The following SGK1 variants were observed in gnomAD, a reference collection of about 807,000 sequenced individuals.
The protein encoded by SGK1 is serum/glucocorticoid regulated kinase 1.
In SGK1, 26 loss-of-function variants were observed where a neutral mutation model predicts 64.2. That is an observed-to-expected ratio of 0.40 (90% confidence interval 0.30 to 0.56). The LOEUF (loss-of-function observed/expected upper bound fraction) is 0.56, where lower values mean the gene tolerates loss of function less well. Among genes scored for constraint, SGK1 ranks in the 20% least tolerant of loss-of-function variants. The pLI is 0.38. For missense variants in SGK1, 519 were observed against 645.6 expected (o/e 0.80, Z 2.12); for synonymous variants, 265 against 239.7 (o/e 1.11, Z -0.98).
At chr6:134,249,292 T>C (rs565264559) in intron 2 of SGK1, among the ~76,000 whole-genome samples, 9 of 152,340 alleles carry the variant, frequency 5.9e-5, no homozygotes, top group African/African-American at 1.2e-4. Flanking sequence ...AGATGATATA[T>C]AGAAATTGTT....
chr6:134,236,455 C>T (rs960339677), intron 2 of SGK1, among the ~76,000 whole-genome samples: 5 of 151,944 alleles, frequency 3.3e-5, no homozygotes, highest in Admixed American at 1.3e-4. Flanking sequence ...GGCGAAACTC[C>T]GTCTCTACAA....
At chr6:134,274,172 T>G (rs1208235478) in intron 1 of SGK1, among the ~76,000 whole-genome samples, 5 of 151,446 alleles carry the variant, frequency 3.3e-5, no homozygotes, top group Admixed American at 3.3e-4. Context: ...CCCGGCTAAT[T>G]TTTTGTATTT....
At chr6:134,315,548 A>G (rs1253428616) in intron 1 of SGK1, among the ~76,000 whole-genome samples, 1 of 152,252 alleles carries the variant, frequency 6.6e-6, no homozygotes, top group African/African-American at 2.4e-5. Flanking sequence ...TTCTATTAGT[A>G]CATTTTGATA....
At chr6:134,175,425 C>T (rs1190376802) in intron 3 of SGK1, 2 of 1,307,936 alleles carry the variant, frequency 1.5e-6, no homozygotes, top group Non-Finnish European at 9.8e-7. Context: ...CCCGCCAGGT[C>T]CTCCCGTTCC....
intron 1 of SGK1, among the ~76,000 whole-genome samples, chr6:134,300,886 G>A (rs1230949170): frequency 2.0e-5 from 3 of 151,988 alleles, no homozygotes; most frequent in South Asian, 2.1e-4. Flanking sequence ...TACCCGCCTC[G>A]GCCTCCCAAA....
Position 134,243,659 on chromosome 6 carries a change from G to A in SGK1, c.285+18274C>T, listed in dbSNP as rs1165417378. On this transcript the variant is annotated intron_variant, in intron 2 of 13. Transcript: ENST00000367858. ...GCTGGGATTACAGGCACGAGCCACC[G>A]CGCCCGGCCATAACGTGCAGTTTTA... 7.9e-5 allele frequency among the ~76,000 whole-genome samples: 12 copies of A among 152,250 alleles called. No homozygotes were observed. In the East Asian group the frequency reaches 9.6e-4, roughly 12 times the overall value.
chr6:134,237,132 G>T (rs998505771), intron 2 of SGK1, among the ~76,000 whole-genome samples: 1 of 146,998 alleles, frequency 6.8e-6, no homozygotes, highest in Admixed American at 6.9e-5. Flanking sequence ...TCAGCTCACT[G>T]CAACCTCTGC....
At position 134,184,074 on chromosome 6, in the gene SGK1, C is replaced by T. The variant is rs540428286; in HGVS notation, c.362-9488G>A. ...TCCAGGTTTGTACCACTGTGGTGCT[C>T]TCTGTTCCCTTTGCAGGCCAAGCTA... On this transcript the variant is annotated intron_variant, in intron 3 of 13. Coordinates refer to ENST00000367858, the MANE Select transcript of SGK1 (RefSeq NM_001143676.3). Among the ~76,000 whole-genome samples the T allele has an allele frequency of 5.3e-5, 8 of 152,186 alleles. No individual in the cohort carries two copies. In the East Asian group the frequency reaches 1.2e-3, roughly 22 times the overall value.
intron 3 of SGK1, chr6:134,174,838 C>T (rs1448082562): frequency 1.2e-6 from 2 of 1,613,534 alleles, no homozygotes; most frequent in Non-Finnish European, 1.7e-6. Flanking sequence ...AAGACGTTAG[C>T]GCTCAAAGAC....
chr6:134,311,788 T>A (rs1312407535), intron 1 of SGK1, among the ~76,000 whole-genome samples: 1 of 152,292 alleles, frequency 6.6e-6, no homozygotes, highest in Middle Eastern at 3.4e-3. Flanking sequence ...ACAGCTTAGA[T>A]TTTAGCCATT....
chr6:134,293,101 G>A (rs1421523468), intron 1 of SGK1, among the ~76,000 whole-genome samples: 1 of 152,174 alleles, frequency 6.6e-6, no homozygotes, highest in Non-Finnish European at 1.5e-5. Flanking sequence ...TTTAAGTTCT[G>A]AAGAATTAAG....
chr6:134,312,155 C>T (rs1002981511), intron 1 of SGK1, among the ~76,000 whole-genome samples: 11 of 152,266 alleles, frequency 7.2e-5, no homozygotes, highest in African/African-American at 2.4e-4. Flanking sequence ...CCTAGGTCTA[C>T]GATTTTTAAC....
At chr6:134,188,743 T>C (rs977185046) in intron 3 of SGK1, among the ~76,000 whole-genome samples, 1 of 151,934 alleles carries the variant, frequency 6.6e-6, no homozygotes, top group Non-Finnish European at 1.5e-5. Flanking sequence ...TGGCCAACTT[T>C]TTTTTTTGAG....
At chr6:134,238,274 A>G (rs17063545) in intron 2 of SGK1, among the ~76,000 whole-genome samples, 12,452 of 152,274 alleles carry the variant, frequency 0.082, 846 homozygotes, top group East Asian at 0.26. Context: ...TGGAGAATCA[A>G]TGACTTTAGA....
intron 3 of SGK1, among the ~76,000 whole-genome samples, chr6:134,192,744 A>C (rs1024353731): frequency 4.0e-5 from 6 of 151,778 alleles, no homozygotes; most frequent in African/African-American, 1.5e-4. Context: ...TAATTTTTGT[A>C]CTGTTGTATT....
chr6:134,205,498 C>G (rs942180986), intron 3 of SGK1, among the ~76,000 whole-genome samples: 1 of 151,554 alleles, frequency 6.6e-6, no homozygotes, highest in Non-Finnish European at 1.5e-5. Flanking sequence ...CTAATAGGCA[C>G]AGCCTCTGAC....
chr6:134,176,838 C>G (rs977273213), intron 3 of SGK1, among the ~76,000 whole-genome samples: 2 of 152,226 alleles, frequency 1.3e-5, no homozygotes, highest in African/African-American at 4.8e-5. Flanking sequence ...TTTGTTGCAA[C>G]AGCCCCAAAC....
In SGK1 at chr6:134,185,555, AGTGTGT is replaced by A. The variant is rs55653141; in HGVS notation, c.362-10975_362-10970del. Among the ~76,000 whole-genome samples the A allele has an allele frequency of 2.8e-3, 409 of 145,400 alleles. 1 individual carries two copies. Among genetic ancestry groups the A allele is most frequent in the African/African-American group, 8.6e-3 (339 of 39,482 alleles). Reference sequence around the variant, plus strand: ...GAAACTACACTTTCATATCTCTATGAGTGTGTGTGTGTGTGTGTGTGTGTGTGTGTG... The same window carrying A: ...GAAACTACACTTTCATATCTCTATGAGTGTGTGTGTGTGTGTGTGTGTGTG... On this transcript the variant is annotated intron_variant, in intron 3 of 13. Coordinates refer to ENST00000367858, the MANE Select transcript of SGK1 (RefSeq NM_001143676.3).
At position 134,297,565 on chromosome 6, in the gene SGK1, C is replaced by T. The variant is rs7752710; in HGVS notation, c.69+19827G>A. On this transcript the variant is annotated intron_variant, in intron 1 of 13. Coordinates refer to ENST00000367858, the MANE Select transcript of SGK1 (RefSeq NM_001143676.3). ...TCGCCCAGGCTGGAGTGCAGTGGCA[C>T]GATCTCGGCTCACTGCAAGCTCCGC... 3.3e-3 allele frequency: 1,683 copies of T among 504,082 alleles called. 28 individuals are homozygous for T. Among genetic ancestry groups the T allele is most frequent in the African/African-American group, 0.03 (1,536 of 51,832 alleles). 31.2% of individuals were successfully genotyped at this position (504,082 alleles called of 1,614,324 possible). A position where few individuals can be genotyped will look rare whatever the true frequency, so the allele number is the denominator to read the frequency against.
Sources: allele counts gnomAD v4.1 joint callset (sites outside exome capture counted in the v4.1 genomes callset), GRCh38; gene constraint gnomAD v4.1.1; transcripts MANE v1.5; gene names NCBI Gene and HGNC (gene_info 2026-07-23, HGNC 2026-07-21).